Variants in SLC25A13 observed in about 807,000 individuals in gnomAD.
The protein encoded by SLC25A13 is electrogenic aspartate/glutamate antiporter SLC25A13, mitochondrial.
Under a neutral mutation model 85.5 loss-of-function variants are expected in SLC25A13, and 70 were observed. That is an observed-to-expected ratio of 0.82 (90% CI 0.68 to 1.00). SLC25A13 has a LOEUF of 1.00. Among genes scored for constraint, SLC25A13 ranks in the 50% least tolerant of loss-of-function variants. SLC25A13 has a pLI of 0.00. For synonymous variants in SLC25A13, 259 were observed against 288.7 expected (o/e 0.90, Z 1.04); for missense variants, 765 against 819.8 (o/e 0.93, Z 0.82).
intron 10 of SLC25A13, among the ~76,000 whole-genome samples, 171 bp downstream of exon 10, chr7:96,184,756 G>A (rs931335424): frequency 4.6e-5 from 7 of 152,196 alleles, no homozygotes; most frequent in African/African-American, 2.4e-5. Context: ...TCACATGCAG[G>A]TATGGGAAAA....
intron 1 of SLC25A13, among the ~76,000 whole-genome samples, chr7:96,299,704 C>T (rs1562916169): frequency 2.0e-5 from 3 of 152,158 alleles, no homozygotes; most frequent in Non-Finnish European, 4.4e-5. Flanking sequence ...AACAGGATAA[C>T]ATTCTGAAAA....
intron 5 of SLC25A13, among the ~76,000 whole-genome samples, chr7:96,196,813 C>T (rs1239420755): frequency 6.6e-6 from 1 of 152,156 alleles, no homozygotes; most frequent in Admixed American, 6.6e-5. Context: ...ACGTGGGTTG[C>T]CTTCTGAAGA....
intron 9 of SLC25A13, among the ~76,000 whole-genome samples, chr7:96,187,858 G>T (rs1277518997): frequency 1.3e-5 from 2 of 152,244 alleles, no homozygotes; most frequent in East Asian, 1.9e-4. Context: ...GCCCACTAGG[G>T]TTCATGCAGT....
chr7:96,135,903 C>A (rs1424626873), intron 14 of SLC25A13, among the ~76,000 whole-genome samples: 1 of 146,874 alleles, frequency 6.8e-6, no homozygotes, highest in African/African-American at 2.5e-5. Context: ...GGCAGCTCTG[C>A]CCTTAAACAT....
chr7:96,204,026 C>A (rs986348058), intron 5 of SLC25A13, among the ~76,000 whole-genome samples: 7 of 152,182 alleles, frequency 4.6e-5, no homozygotes, highest in African/African-American at 1.7e-4. Flanking sequence ...AAGCTAAGCT[C>A]TAGAACAGCT....
chr7:96,189,552 C>CAAA, intron 8 of SLC25A13, 29 bp downstream of exon 8: 107 of 1,419,642 alleles, frequency 7.5e-5, no homozygotes, highest in South Asian at 1.3e-4. Context: ...AAGCTAATTC[C>CAAA]AAAAAAAAAA....
At chr7:96,232,575 T>C (rs779935273) in intron 4 of SLC25A13, among the ~76,000 whole-genome samples, 2 of 148,008 alleles carry the variant, frequency 1.4e-5, no homozygotes, top group Non-Finnish European at 3.0e-5. Flanking sequence ...AACCTGCACA[T>C]GTACCCCTGA....
chr7:96,185,293 T>C (rs936390501), intron 9 of SLC25A13, among the ~76,000 whole-genome samples: 1 of 151,840 alleles, frequency 6.6e-6, no homozygotes, highest in Non-Finnish European at 1.5e-5. Flanking sequence ...TTAAAAAAAA[T>C]GCACAGTTAA....
intron 9 of SLC25A13, among the ~76,000 whole-genome samples, chr7:96,186,370 A>G (rs2116637465): frequency 6.6e-6 from 1 of 152,312 alleles, no homozygotes; most frequent in South Asian, 2.1e-4. Context: ...CGGAGGCTGC[A>G]GTGAGCCAAG....
intron 5 of SLC25A13, among the ~76,000 whole-genome samples, chr7:96,199,616 C>T (rs1408104402): frequency 6.6e-6 from 1 of 152,160 alleles, no homozygotes; most frequent in Admixed American, 6.5e-5. Context: ...GGCAGTTCCA[C>T]TCAAGTACAT....
chr7:96,180,934 A>G (rs1203845876), intron 11 of SLC25A13, among the ~76,000 whole-genome samples: 7 of 152,212 alleles, frequency 4.6e-5, no homozygotes, highest in African/African-American at 1.7e-4. Context: ...AGCACATTAA[A>G]TCACTCTGAA....
intron 5 of SLC25A13, among the ~76,000 whole-genome samples, chr7:96,208,524 G>A (rs1014198014): frequency 1.7e-5 from 1 of 60,128 alleles, no homozygotes; most frequent in African/African-American, 6.3e-5. Flanking sequence ...TTTTTTTTTT[G>A]AGACGGAGTC....
chr7:96,192,121 T>C (rs1222419532), intron 6 of SLC25A13, among the ~76,000 whole-genome samples: 3 of 152,016 alleles, frequency 2.0e-5, no homozygotes, highest in African/African-American at 7.2e-5. Flanking sequence ...ATTAACACAG[T>C]GCCAGAATGG....
chr7:96,214,062 G>T (rs1795796411), intron 4 of SLC25A13, among the ~76,000 whole-genome samples: 1 of 152,110 alleles, frequency 6.6e-6, no homozygotes, highest in Admixed American at 6.5e-5. Context: ...TAAGCTCAAG[G>T]TTCCTTTTAC....
chr7:96,142,227 T>C lies in SLC25A13; in HGVS notation c.1452+4329A>G, dbSNP rs77316798. Among the ~76,000 whole-genome samples the C allele has an allele frequency of 6.7e-4, 102 of 152,324 alleles. 3 individuals are homozygous for C. In the East Asian group the frequency reaches 0.019, roughly 28 times the overall value. On this transcript the variant is annotated intron_variant, in intron 14 of 17. Transcript: ENST00000265631. ...GCTTCTATTAATCCTGTCAGCTAGG[T>C]ACTGAGCAGAGTACCTGAAAGGAAG...
intron 14 of SLC25A13, among the ~76,000 whole-genome samples, chr7:96,141,194 T>C (rs1297457474): frequency 2.0e-5 from 3 of 152,016 alleles, no homozygotes; most frequent in Admixed American, 1.3e-4. Flanking sequence ...CGCTAACTTA[T>C]ATTTATTTAT....
chr7:96,177,775 A>G (rs1358897768), intron 11 of SLC25A13, among the ~76,000 whole-genome samples: 1 of 152,166 alleles, frequency 6.6e-6, no homozygotes. Context: ...AGACAGGCTA[A>G]GCAGCTTGTT....
At position 96,322,031 on chromosome 7, in the gene SLC25A13, T is replaced by C; in HGVS notation, c.-75A>G. ...GCGTTTGGGACCCGGGCGGCTCACT[T>C]CTAGTCCCGGCGGCGGCGGCGGTGG... is the stretch of plus-strand genomic sequence containing the variant. On this transcript the variant is annotated 5_prime_UTR_variant, in exon 1 of 18. Transcript: ENST00000265631. The C allele has an allele frequency of 6.6e-7, 1 of 1,519,856 alleles. No homozygotes were observed. The allele number at this position is 1,519,856 out of a possible 1,614,324, so 94.1% of individuals were successfully genotyped here.
chr7:96,194,461 A>AAAAAAAGG (rs1328094198), intron 5 of SLC25A13, among the ~76,000 whole-genome samples: 4 of 148,580 alleles, frequency 2.7e-5, no homozygotes, highest in Admixed American at 6.7e-5. Flanking sequence ...AAAAAAAAAA[A>AAAAAAAGG]AAAAAAGGAA....
Sources: gnomAD v4.1 joint callset for allele counts (sites outside exome capture counted in the v4.1 genomes callset) on GRCh38, gnomAD v4.1.1 for gene constraint, MANE v1.5 for transcripts, NCBI Gene and HGNC (gene_info 2026-07-23, HGNC 2026-07-21) for gene names.